The following VPS13C variants were observed in gnomAD, a reference collection of about 807,000 sequenced individuals.
VPS13C encodes the protein vacuolar protein sorting 13 homolog C.
Under a neutral mutation model 456.8 loss-of-function variants are expected in VPS13C, and 358 were observed. The observed-to-expected ratio is 0.78, with a 90% confidence interval of 0.72 to 0.86. VPS13C has a LOEUF of 0.86. Ranked by LOEUF, VPS13C falls within the 40% of genes least tolerant of loss-of-function variation. VPS13C has a pLI of 0.00. For missense variants in VPS13C, 4,818 were observed against 4,385.4 expected, an observed-to-expected ratio of 1.10 and a Z score of -2.79; for synonymous variants, 1,578 against 1,486.7, an observed-to-expected ratio of 1.06 and a Z score of -1.41.
At chr15:61,911,430 T>TA (rs746097719) in intron 63 of VPS13C, among the ~76,000 whole-genome samples, 36 of 152,224 alleles carry the variant, frequency 2.4e-4, no homozygotes, top group Admixed American at 1.3e-3. Flanking sequence ...CCAGCTCACC[T>TA]ATTCAGAAAT....
At position 61,996,994 on chromosome 15, in the gene VPS13C, C is replaced by CATATAT. The variant is rs956530930; in HGVS notation, c.1353+3569_1353+3570insATATAT. Among the ~76,000 whole-genome samples, 231 of 142,382 alleles carry CATATAT rather than the reference C, an allele frequency of 1.6e-3. 2 individuals carry two copies. The highest frequency in any genetic ancestry group is 6.2e-3 in the African/African-American group (224 of 36,052). The allele number at this position is 142,382 out of a possible 152,430, so 93.4% of individuals were successfully genotyped here. ...CATCCTTGCCTATATATTTTACATACATACATATATATATATATGTATAGA... is the reference window on the plus strand; with the variant it reads ...CATCCTTGCCTATATATTTTACATACATATATATACATATATATATATATGTATAGA... On this transcript the variant is annotated intron_variant, in intron 16 of 84. Transcript: ENST00000644861.
intron 41 of VPS13C, among the ~76,000 whole-genome samples, chr15:61,950,121 T>C (rs1459193686): frequency 2.0e-5 from 3 of 152,240 alleles, no homozygotes; most frequent in African/African-American, 4.8e-5. Flanking sequence ...ATTATTCACA[T>C]ACTTGTCAAG....
intron 82 of VPS13C, among the ~76,000 whole-genome samples, chr15:61,859,409 T>C (rs1421174919): frequency 6.6e-6 from 1 of 151,992 alleles, no homozygotes; most frequent in African/African-American, 2.4e-5. Flanking sequence ...AACCAGTGAT[T>C]CTCCATCACA....
intron 49 of VPS13C, among the ~76,000 whole-genome samples, chr15:61,932,288 A>G (rs942553908): frequency 5.9e-5 from 9 of 152,146 alleles, no homozygotes; most frequent in African/African-American, 2.2e-4. Context: ...GACACTCCAC[A>G]TGAAGAAAAA....
At chr15:61,952,215 C>A (rs748597786) in intron 38 of VPS13C, among the ~76,000 whole-genome samples, 2 of 152,148 alleles carry the variant, frequency 1.3e-5, no homozygotes, top group Non-Finnish European at 2.9e-5. Flanking sequence ...ACTCCTAAGG[C>A]AAGCTCTTTC....
At chr15:61,960,633 T>C (rs1045558528) in intron 35 of VPS13C, among the ~76,000 whole-genome samples, 3 of 152,222 alleles carry the variant, frequency 2.0e-5, no homozygotes, top group African/African-American at 7.2e-5. Context: ...AAAAAATGTT[T>C]TAAATAATAT....
chr15:62,004,532 CT>C (rs1253180036), intron 15 of VPS13C, among the ~76,000 whole-genome samples: 3 of 146,292 alleles, frequency 2.1e-5, no homozygotes, highest in Non-Finnish European at 4.5e-5. Context: ...CAGTTCTGCT[CT>C]GATTTTAGTT....
In VPS13C at chr15:61,969,321, G is replaced by A. The variant is rs751996172; in HGVS notation, c.2889C>T (p.Ser963=). ...LTVVSYLKKI[S]LDYHEIEGSK... The stretch of plus-strand genomic sequence containing the variant: ...TACCTTCAATTTCATGATAATCCAA[G>A]CTGATTTTCTTTAAATAAGATACCA... Residue 963 remains serine, a synonymous_variant, in exon 28 of 85, where the codon AGC becomes AGT. Coordinates refer to ENST00000644861, the MANE Select transcript of VPS13C (RefSeq NM_020821.3). The A allele has an allele frequency of 6.3e-7, 1 of 1,598,362 alleles. No individual in the cohort carries two copies. The highest frequency in any genetic ancestry group is 8.5e-7 in the Non-Finnish European group (1 of 1,173,546).
At chr15:62,029,141 T>A (rs2047731110) in intron 5 of VPS13C, among the ~76,000 whole-genome samples, 1 of 152,114 alleles carries the variant, frequency 6.6e-6, no homozygotes, top group African/African-American at 2.4e-5. Flanking sequence ...ATTTTCTAAC[T>A]GTGTGACCTA....
chr15:61,917,656 G>A, intron 59 of VPS13C, 21 bp from the exon 60 acceptor site: 1 of 1,598,642 alleles, frequency 6.3e-7, no homozygotes, highest in Non-Finnish European at 8.5e-7. Flanking sequence ...AGGAAACAGT[G>A]ACAATAAAGT....
intron 36 of VPS13C, 51 bp from the exon 37 acceptor site, chr15:61,958,767 CAATTTT>C (rs1381823141): frequency 1.0e-6 from 1 of 962,854 alleles, no homozygotes; most frequent in Non-Finnish European, 1.5e-6. Flanking sequence ...TAAAATGAAA[CAATTTT>C]AATACAGAAA....
At chr15:61,988,416 T>A (rs984794438) in intron 18 of VPS13C, among the ~76,000 whole-genome samples, 2 of 152,120 alleles carry the variant, frequency 1.3e-5, no homozygotes, top group African/African-American at 4.8e-5. Flanking sequence ...CTTCTACAGA[T>A]AAAATTATAA....
chr15:61,960,473 G>A (rs1213676096), intron 35 of VPS13C, among the ~76,000 whole-genome samples: 3 of 152,064 alleles, frequency 2.0e-5, no homozygotes, highest in Non-Finnish European at 4.4e-5. Context: ...AATATTGACT[G>A]AATTTCAGAT....
At position 61,890,370 on chromosome 15, in the gene VPS13C, T is replaced by C. The variant is rs769489741; in HGVS notation, c.9136A>G (p.Asn3046Asp). 1.2e-6 allele frequency: 2 copies of C among 1,614,036 alleles called. No individual in the cohort carries two copies. The highest frequency in any genetic ancestry group is 8.5e-7 in the Non-Finnish European group (1 of 1,179,988). The change falls in exon 67 of 85, where the codon AAC becomes GAC. Residue 3046 changes from asparagine to aspartate, a missense_variant. This residue lies in a region of VPS13C where 4,552 missense variants were observed against 4,130.6 expected (regional missense o/e 1.10). Coordinates refer to ENST00000644861, the MANE Select transcript of VPS13C (RefSeq NM_020821.3). The part of the protein sequence containing the change: ...DGCGQFPYDA[N>D]IQIHWVSFLD... ...AATGATACCCAGTGTATCTGGATGT[T>C]TGCATCATATGGAAACTGTCCACAT...
chr15:61,932,843 C>A (rs2044106678), intron 49 of VPS13C, among the ~76,000 whole-genome samples: 1 of 152,162 alleles, frequency 6.6e-6, no homozygotes, highest in South Asian at 2.1e-4. Context: ...ACTAATGTTT[C>A]CTGATAGGAT....
chr15:61,913,894 G>A (rs566335325), intron 61 of VPS13C, among the ~76,000 whole-genome samples: 3 of 152,132 alleles, frequency 2.0e-5, no homozygotes. Flanking sequence ...CTTCCAACTA[G>A]ACAGAGAGAT....
At position 62,007,332 on chromosome 15, in the gene VPS13C, T is replaced by A. The variant is rs2046886274; in HGVS notation, c.1266A>T (p.Ser422=). 3 of 1,608,318 alleles carry A rather than the reference T, an allele frequency of 1.9e-6. No homozygotes were observed. Among genetic ancestry groups the A allele is most frequent in the Non-Finnish European group, 2.5e-6 (3 of 1,178,148 alleles). The change falls in exon 15 of 85, where the codon TCA becomes TCT. Residue 422 remains serine, a synonymous_variant. Transcript: ENST00000644861. Reference sequence around the variant, plus strand: ...CCTGAATTTCTTTCTGTATTTCTTCTGAGACTTTAGACTGTGTTAACTTGT... The same window carrying A: ...CCTGAATTTCTTTCTGTATTTCTTCAGAGACTTTAGACTGTGTTAACTTGT... ...YKNKLTQSKV[S]EEIQKEIQDL... is the part of the protein sequence containing the mutation.
At chr15:61,889,936 C>T (rs1259951008) in intron 67 of VPS13C, among the ~76,000 whole-genome samples, 1 of 151,900 alleles carries the variant, frequency 6.6e-6, no homozygotes, top group Non-Finnish European at 1.5e-5. Context: ...CCACTTTTTC[C>T]CCCACCAACT....
chr15:61,955,820 T>C (rs1209605722), intron 37 of VPS13C, among the ~76,000 whole-genome samples: 4 of 152,028 alleles, frequency 2.6e-5, no homozygotes, highest in Admixed American at 6.6e-5. Context: ...AGTCAAAAAA[T>C]AACAGATGTT....
Sources: allele counts gnomAD v4.1 joint callset (sites outside exome capture counted in the v4.1 genomes callset), GRCh38; gene constraint gnomAD v4.1.1; regional missense constraint gnomAD v4.1.1; transcripts MANE v1.5; gene names NCBI Gene and HGNC (gene_info 2026-07-23, HGNC 2026-07-21).